The following TAF6 variants were observed in gnomAD, a reference collection of about 807,000 sequenced individuals.
TAF6 encodes the protein transcription initiation factor TFIID subunit 6.
A neutral mutation model predicts 73.5 loss-of-function variants in TAF6; 50 were observed. That is an observed-to-expected ratio of 0.68 (90% CI 0.54 to 0.86). The LOEUF (loss-of-function observed/expected upper bound fraction) is 0.86, where lower values mean the gene tolerates loss of function less well. Among genes scored for constraint, TAF6 ranks in the 40% least tolerant of loss-of-function variants. TAF6 has a pLI of 0.00. For synonymous variants in TAF6, 424 were observed against 376.7 expected (o/e 1.13, Z -1.45); for missense variants, 768 against 899.5 (o/e 0.85, Z 1.87).
At position 100,112,794 on chromosome 7, in the gene TAF6, T is replaced by C. The variant is rs1435005453; in HGVS notation, c.574+4A>G. The stretch of plus-strand genomic sequence containing the variant: ...CCAGAGAGGCCTAGCCTAGGAGGAC[T>C]GACCTTTGCCGTCGGCTGTGGTGGC... On this transcript the variant is annotated splice_donor_region_variant and intron_variant, in intron 6 of 14. Coordinates refer to ENST00000453269, the MANE Select transcript of TAF6 (RefSeq NM_139315.3). 1.2e-6 allele frequency: 2 copies of C among 1,611,188 alleles called. No individual in the cohort carries two copies. Among genetic ancestry groups the C allele is most frequent in the South Asian group, 1.1e-5 (1 of 90,912 alleles).
chr7:100,113,683 C>A lies in TAF6; in HGVS notation c.330G>T (p.Lys110Asn), dbSNP rs1797408877. 2 of 1,614,022 alleles carry A rather than the reference C, an allele frequency of 1.2e-6. No individual in the cohort carries two copies. Among genetic ancestry groups the A allele is most frequent in the Non-Finnish European group, 1.7e-6 (2 of 1,180,036 alleles). ...TGATGATGTCGCTCAGATCAACCTC[C>A]TTCTCCTCATAGAAGTAAAGCTCCC... The part of the protein sequence containing the change: ...GGRELYFYEE[K>N]EVDLSDIINT... Residue 110 changes from lysine to asparagine, a missense_variant, in exon 4 of 15, where the codon AAG becomes AAT. Lys to Asn is a moderately conservative substitution (Grantham distance 94). Coordinates refer to ENST00000453269, the MANE Select transcript of TAF6 (RefSeq NM_139315.3).
At chr7:100,122,523 G>A (rs772634337), upstream of TAF6, 5 of 1,613,960 alleles carry the variant, frequency 3.1e-6, no homozygotes, top group Non-Finnish European at 4.2e-6. Flanking sequence ...TATGTGAGCG[G>A]ATCCTGGACT....
upstream of TAF6, chr7:100,120,001 T>C (rs1797982681): frequency 1.4e-6 from 1 of 707,132 alleles, no homozygotes; most frequent in African/African-American, 1.8e-5. Flanking sequence ...TTGGCTGAAT[T>C]TGGATGGGGT....
upstream of TAF6, chr7:100,124,558 G>C: frequency 6.2e-7 from 1 of 1,612,836 alleles, no homozygotes; most frequent in Non-Finnish European, 8.5e-7. Flanking sequence ...TGGGAGACTG[G>C]TACTTCCACC....
intron 12 of TAF6, 70 bp downstream of exon 12, chr7:100,109,878 A>G (rs1189500037): frequency 1.1e-5 from 17 of 1,585,268 alleles, no homozygotes; most frequent in Non-Finnish European, 1.5e-5. Context: ...AGTGAATAAA[A>G]TATGCCATAT....
chr7:100,123,808 T>C (rs555779364), upstream of TAF6, among the ~76,000 whole-genome samples: 10 of 152,278 alleles, frequency 6.6e-5, 1 homozygote, highest in South Asian at 4.2e-4. Flanking sequence ...GCATGAGCCA[T>C]TGGGCCCTGC....
At chr7:100,121,875 CCT>C (rs1428001896), upstream of TAF6, among the ~76,000 whole-genome samples, 3 of 135,772 alleles carry the variant, frequency 2.2e-5, no homozygotes, top group Non-Finnish European at 5.0e-5. Context: ...ACGGTGAAAC[CCT>C]GTCTCTACTA....
At chr7:100,120,702 C>A (rs889975302), upstream of TAF6, among the ~76,000 whole-genome samples, 9 of 152,110 alleles carry the variant, frequency 5.9e-5, no homozygotes, top group Admixed American at 5.9e-4. Context: ...TTGTATCAGT[C>A]CTTGCTTTAA....
chr7:100,108,530 GCA>G lies in TAF6; in HGVS notation c.1293_1294del (p.Ala432SerfsTer11). 1 of 1,608,332 alleles carries G rather than the reference GCA, an allele frequency of 6.2e-7. No homozygotes were observed. The highest frequency in any genetic ancestry group is 1.7e-4 in the Middle Eastern group (1 of 6,044). ...TGGGCGCAGCTTTGCCAGAACAGGA[GCA>G]CAGTGTTTCTGCAGAACAGAAAAAA... On this transcript the variant is annotated frameshift_variant, in exon 13 of 15. Coordinates refer to ENST00000453269, the MANE Select transcript of TAF6 (RefSeq NM_139315.3). LOFTEE classifies it high-confidence loss of function.
upstream of TAF6, chr7:100,120,012 C>G (rs1298115722): frequency 1.5e-6 from 1 of 649,338 alleles, no homozygotes; most frequent in Non-Finnish European, 2.5e-6. Flanking sequence ...TGGATGGGGT[C>G]AAGGAAGCGA....
chr7:100,126,529 T>G, the TAF6 span, among the ~76,000 whole-genome samples: 1 of 151,920 alleles, frequency 6.6e-6, no homozygotes, highest in Non-Finnish European at 1.5e-5. Context: ...GCGCGGTGGC[T>G]CACACCTGTA....
chr7:100,110,153 C>T, intron 11 of TAF6, 47 bp downstream of exon 11: 2 of 1,614,110 alleles, frequency 1.2e-6, no homozygotes, highest in Non-Finnish European at 1.7e-6. Flanking sequence ...CCTCTATAAC[C>T]TCATGACTGT....
chr7:100,109,552 A>G (rs558487208), intron 12 of TAF6, among the ~76,000 whole-genome samples: 20 of 151,930 alleles, frequency 1.3e-4, no homozygotes, highest in African/African-American at 4.8e-4. Context: ...GCTGGAGTGC[A>G]GTGGCACGAT....
At chr7:100,118,859 A>T in intron 1 of TAF6, 4 of 985,346 alleles carry the variant, frequency 4.1e-6, no homozygotes, top group Non-Finnish European at 4.8e-6. Context: ...TCTATAGGGA[A>T]CACAACTATT....
In TAF6 at chr7:100,113,475, A is replaced by G. The variant is rs192013797; in HGVS notation, c.398-70T>C. ...TTGGGGAGTTGCCCCATGCTATGGA[A>G]GCGTGTTTCCACTCCTGCTCCCCTT... is the stretch of plus-strand genomic sequence containing the variant. On this transcript the variant is annotated intron_variant, in intron 4 of 14. Coordinates refer to ENST00000453269, the MANE Select transcript of TAF6 (RefSeq NM_139315.3). 18 of 1,529,882 alleles carry G rather than the reference A, an allele frequency of 1.2e-5. No individual in the cohort carries two copies. In the Admixed American group the frequency reaches 2.7e-4, roughly 23 times the overall value. 94.8% of individuals were successfully genotyped at this position (1,529,882 alleles called of 1,614,324 possible). A position where few individuals can be genotyped will look rare whatever the true frequency, so the allele number is the denominator to read the frequency against.
At position 100,107,415 on chromosome 7, in the gene TAF6, G is replaced by A. The variant is rs1252420471; in HGVS notation, c.1865C>T (p.Thr622Ile). 1.2e-6 allele frequency: 2 copies of A among 1,608,414 alleles called. No individual in the cohort carries two copies. The highest frequency in any genetic ancestry group is 1.7e-6 in the Non-Finnish European group (2 of 1,176,202). Residue 622 changes from threonine to isoleucine, a missense_variant, in exon 15 of 15, where the codon ACC (threonine) becomes ATC (isoleucine). Around this residue, in one of 5 missense-constraint regions of TAF6, gnomAD observed 350 missense variants for 352.3 expected, o/e 0.99. Coordinates refer to ENST00000453269, the MANE Select transcript of TAF6 (RefSeq NM_139315.3). ...PPTGEGKGGP[T>I]SHPSPVPPPA... ...GGGAGGAACTGGAGAAGGATGGGAGGTGGGGCCTCCTTTGCCCTCCCCTGT... is the reference window on the plus strand; with the variant it reads ...GGGAGGAACTGGAGAAGGATGGGAGATGGGGCCTCCTTTGCCCTCCCCTGT...
At chr7:100,108,659 ATCATC>A in intron 12 of TAF6, 119 bp from the exon 13 acceptor site, 2 of 1,162,392 alleles carry the variant, frequency 1.7e-6, no homozygotes. Flanking sequence ...GACATTCCTT[ATCATC>A]TCAGTGCCCC....
upstream of TAF6, chr7:100,119,789 C>A: frequency 6.2e-7 from 1 of 1,613,968 alleles, no homozygotes; most frequent in Middle Eastern, 1.7e-4. Context: ...TTTTTTTGGC[C>A]GTGCACGAGG....
At chr7:100,124,610 G>A, upstream of TAF6, 1 of 1,613,434 alleles carries the variant, frequency 6.2e-7, no homozygotes. Context: ...TGAAGGTCAT[G>A]TGCTCCCAGC....
Sources: allele counts gnomAD v4.1 joint callset (sites outside exome capture counted in the v4.1 genomes callset), GRCh38; gene constraint gnomAD v4.1.1; regional missense constraint gnomAD v4.1.1; transcripts MANE v1.5; gene names NCBI Gene and HGNC (gene_info 2026-07-23, HGNC 2026-07-21).